The following ULK4 variants were observed in gnomAD, a reference collection of about 807,000 sequenced individuals.
The protein encoded by ULK4 is inactive serine/threonine-protein kinase ULK4.
Under a neutral mutation model 160.6 loss-of-function variants are expected in ULK4, and 133 were observed. The observed-to-expected ratio is 0.83, with a 90% CI of 0.72 to 0.96. The LOEUF (loss-of-function observed/expected upper bound fraction) is 0.96. Among genes scored for constraint, ULK4 ranks in the 40% least tolerant of loss-of-function variants. ULK4 has a pLI of 0.00. For synonymous variants in ULK4, 534 were observed against 539.8 expected, an observed-to-expected ratio of 0.99 and a Z score of 0.15; for missense variants, 1,580 against 1,499.5, an observed-to-expected ratio of 1.05 and a Z score of -0.89.
chr3:41,274,068 C>T (rs1416335778), intron 35 of ULK4, among the ~76,000 whole-genome samples: 1 of 152,104 alleles, frequency 6.6e-6, no homozygotes, highest in Non-Finnish European at 1.5e-5. Flanking sequence ...AAGACACCCT[C>T]CATATGCTGT....
chr3:41,837,379 TCCTA>T (rs1167988800), intron 17 of ULK4, among the ~76,000 whole-genome samples: 2 of 152,152 alleles, frequency 1.3e-5, no homozygotes. Context: ...AATCCCTCTT[TCCTA>T]CTTACTTCTT....
At chr3:41,580,839 C>T (rs1413864966) in intron 31 of ULK4, among the ~76,000 whole-genome samples, 1 of 152,174 alleles carries the variant, frequency 6.6e-6, no homozygotes, top group Non-Finnish European at 1.5e-5. Context: ...AGGCCCTTTT[C>T]TGCCCTAACA....
At chr3:41,668,537 T>C (rs1236370782) in intron 29 of ULK4, among the ~76,000 whole-genome samples, 1 of 152,186 alleles carries the variant, frequency 6.6e-6, no homozygotes, top group African/African-American at 2.4e-5. Flanking sequence ...ACAGCCTAGG[T>C]GTGTAGTAAG....
intron 34 of ULK4, among the ~76,000 whole-genome samples, chr3:41,443,757 A>AAC (rs147978767): frequency 6.6e-6 from 1 of 151,324 alleles, no homozygotes; most frequent in African/African-American, 2.4e-5. Flanking sequence ...ATTTTCAATA[A>AAC]ATATATTTTT....
At chr3:41,479,429 T>C (rs2125894787) in intron 32 of ULK4, among the ~76,000 whole-genome samples, 1 of 152,342 alleles carries the variant, frequency 6.6e-6, no homozygotes. Flanking sequence ...GATCACAGGA[T>C]AAAGCACCAG....
chr3:41,461,268 A>C (rs942776427), intron 33 of ULK4, among the ~76,000 whole-genome samples: 6 of 152,224 alleles, frequency 3.9e-5, no homozygotes, highest in African/African-American at 1.4e-4. Flanking sequence ...AGAAGCTCTT[A>C]TTAGAAATAG....
intron 32 of ULK4, among the ~76,000 whole-genome samples, chr3:41,562,041 A>G (rs1226064791): frequency 6.6e-6 from 1 of 152,184 alleles, no homozygotes; most frequent in Non-Finnish European, 1.5e-5. Flanking sequence ...AATGTGTCCC[A>G]GAGATTCTGG....
intron 17 of ULK4, among the ~76,000 whole-genome samples, chr3:41,867,562 G>T (rs998520112): frequency 2.6e-5 from 4 of 152,152 alleles, no homozygotes; most frequent in African/African-American, 9.7e-5. Context: ...AGTAGACAGG[G>T]TTTCTACTAA....
chr3:41,601,515 G>A (rs568718789), intron 31 of ULK4, among the ~76,000 whole-genome samples: 2 of 152,218 alleles, frequency 1.3e-5, no homozygotes, highest in South Asian at 4.2e-4. Context: ...GGGTTGGAGG[G>A]TGAGAGGGAA....
At chr3:41,457,543 A>C (rs898036112) in intron 33 of ULK4, among the ~76,000 whole-genome samples, 3 of 152,216 alleles carry the variant, frequency 2.0e-5, no homozygotes, top group Non-Finnish European at 4.4e-5. Flanking sequence ...CCCACAAAGG[A>C]AGCTCTGTGC....
At chr3:41,919,257 T>G (rs1699086213) in intron 6 of ULK4, among the ~76,000 whole-genome samples, 1 of 152,246 alleles carries the variant, frequency 6.6e-6, no homozygotes, top group Admixed American at 6.5e-5. Flanking sequence ...TGCATATGCC[T>G]AGATACCAAG....
At position 41,260,587 on chromosome 3, in the gene ULK4, G is replaced by A. The variant is rs183762584; in HGVS notation, c.3679-11013C>T. ...GCCCTGTCCATGATTAGTAAGCGGGGGATCATCTGAAAGAGATCTAGAGGT... is the reference window on the plus strand; with the variant it reads ...GCCCTGTCCATGATTAGTAAGCGGGAGATCATCTGAAAGAGATCTAGAGGT... On this transcript the variant is annotated intron_variant, in intron 35 of 36. Transcript: ENST00000301831. Among the ~76,000 whole-genome samples, 7 of 152,308 alleles carry A rather than the reference G, an allele frequency of 4.6e-5. No homozygotes were observed. In the East Asian group the frequency reaches 1.4e-3, roughly 29 times the overall value.
At chr3:41,371,630 C>T (rs1364741858) in intron 35 of ULK4, among the ~76,000 whole-genome samples, 1 of 152,114 alleles carries the variant, frequency 6.6e-6, no homozygotes, top group African/African-American at 2.4e-5. Context: ...CACGCAGACA[C>T]TCCATCCGAA....
At chr3:41,907,818 G>A (rs1261188436) in intron 12 of ULK4, 27 bp downstream of exon 12, 1 of 1,462,988 alleles carries the variant, frequency 6.8e-7, no homozygotes, top group Non-Finnish European at 9.2e-7. Flanking sequence ...ATCTTATGTA[G>A]GAAGAAAATT....
chr3:41,581,771 T>C (rs973465634), intron 31 of ULK4, among the ~76,000 whole-genome samples: 1 of 152,090 alleles, frequency 6.6e-6, no homozygotes, highest in Non-Finnish European at 1.5e-5. Flanking sequence ...AATCAAGGCA[T>C]ACCAGGAGAG....
intron 35 of ULK4, among the ~76,000 whole-genome samples, chr3:41,334,121 T>C (rs1386865314): frequency 2.0e-5 from 3 of 152,160 alleles, no homozygotes; most frequent in Non-Finnish European, 2.9e-5. Context: ...ATTTGCAGAA[T>C]TGCTTCTTCC....
At position 41,398,237 on chromosome 3, in the gene ULK4, C is replaced by G. The variant is rs199989352; in HGVS notation, c.3520G>C (p.Asp1174His). The change falls in exon 35 of 37, where the codon GAT becomes CAT. Residue 1174 changes from aspartate to histidine, a missense_variant. Asp to His is a moderately conservative substitution (Grantham distance 81, BLOSUM62 -1). Transcript: ENST00000301831. ...LLPNEDPEIFDVSSKCLSILV... is the reference protein window; with the variant it reads ...LLPNEDPEIFHVSSKCLSILV... ...ATAGACAGGCACTTGGATGAAACAT[C>G]AAAAATCTCAGGATCTTCATTAGGA... is the stretch of plus-strand genomic sequence containing the variant. The G allele has an allele frequency of 3.7e-6, 6 of 1,610,768 alleles. No individual in the cohort carries two copies. Among genetic ancestry groups the G allele is most frequent in the Non-Finnish European group, 5.1e-6 (6 of 1,179,062 alleles).
chr3:41,879,577 C>A (rs1007806910), intron 17 of ULK4, among the ~76,000 whole-genome samples: 18 of 152,072 alleles, frequency 1.2e-4, no homozygotes, highest in African/African-American at 4.3e-4. Flanking sequence ...CCCACTACAG[C>A]CTCAACCTCC....
At chr3:41,540,476 T>C (rs1030173560) in intron 32 of ULK4, among the ~76,000 whole-genome samples, 1 of 152,244 alleles carries the variant, frequency 6.6e-6, no homozygotes, top group African/African-American at 2.4e-5. Context: ...TTTGCTATTG[T>C]GGATAGTGCC....
Sources: allele counts gnomAD v4.1 joint callset (sites outside exome capture counted in the v4.1 genomes callset), GRCh38; gene constraint gnomAD v4.1.1; transcripts MANE v1.5; gene names NCBI Gene and HGNC (gene_info 2026-07-23, HGNC 2026-07-21).